Variants in ITGBL1 observed in about 807,000 individuals in gnomAD.
The protein encoded by ITGBL1 is integrin beta-like protein 1.
In ITGBL1, 51 loss-of-function variants were observed where a neutral mutation model predicts 68.5. The ratio of observed to expected loss-of-function variants is 0.74; its 90% CI spans 0.59 to 0.94. The LOEUF is 0.94. ITGBL1 is among the 40% of genes least tolerant of loss of function. The probability of loss-of-function intolerance (pLI) is 0.00; values close to 1 mark genes in which losing one functional copy is unlikely to be tolerated. For missense variants in ITGBL1, 649 were observed against 647.4 expected (o/e 1.00, Z -0.03); for synonymous variants, 209 against 227.3 (o/e 0.92, Z 0.72).
intron 7 of ITGBL1, among the ~76,000 whole-genome samples, chr13:101,656,292 T>C (rs185529410): frequency 6.6e-6 from 1 of 152,320 alleles, no homozygotes; most frequent in East Asian, 1.9e-4. Context: ...CTCTTCAGGA[T>C]TGGGAGAACC....
At chr13:101,664,956 A>G (rs1481285945) in intron 7 of ITGBL1, among the ~76,000 whole-genome samples, 1 of 151,736 alleles carries the variant, frequency 6.6e-6, no homozygotes, top group African/African-American at 2.4e-5. Context: ...CTGATTTTGA[A>G]CTCCTGACTT....
rs74122648 is a variant in ITGBL1 at position 101,705,991 on chromosome 13, C to T, written c.1133-765C>T. 6.2e-3 allele frequency among the ~76,000 whole-genome samples: 949 copies of T among 152,160 alleles called. 8 individuals carry two copies. Among genetic ancestry groups the T allele is most frequent in the African/African-American group, 0.021 (856 of 41,498 alleles). On this transcript the variant is annotated intron_variant, in intron 8 of 10. Transcript: ENST00000376180. ...CATATCAGGAAAAGGAATAAAGGGTCGAGCGGAAACTGAAATGGAAGAAAT... is the reference window on the plus strand; with the variant it reads ...CATATCAGGAAAAGGAATAAAGGGTTGAGCGGAAACTGAAATGGAAGAAAT...
intron 2 of ITGBL1, among the ~76,000 whole-genome samples, chr13:101,544,998 C>A (rs1303704860): frequency 6.6e-6 from 1 of 152,230 alleles, no homozygotes; most frequent in Non-Finnish European, 1.5e-5. Context: ...CCTTGTGCTT[C>A]CCGGGTGAGG....
chr13:101,483,748 T>A (rs1400989441), intron 2 of ITGBL1, among the ~76,000 whole-genome samples: 1 of 152,224 alleles, frequency 6.6e-6, no homozygotes, highest in Non-Finnish European at 1.5e-5. Flanking sequence ...CTTATTTTAC[T>A]ATCTTACCAC....
intron 2 of ITGBL1, 30 bp downstream of exon 2, chr13:101,454,130 G>C (rs373184719): frequency 7.5e-6 from 11 of 1,475,110 alleles, no homozygotes; most frequent in African/African-American, 7.1e-5. Flanking sequence ...TCCTCCCTCG[G>C]GAGGTCGAAA....
downstream of ITGBL1, chr13:101,719,369 CCAT>C (rs2139638325): frequency 6.6e-6 from 1 of 152,006 alleles, no homozygotes; most frequent in East Asian, 1.9e-4. Flanking sequence ...TCCTTTGGAC[CCAT>C]CGTGGATCTC....
At chr13:101,624,341 G>A (rs1046536401) in intron 7 of ITGBL1, among the ~76,000 whole-genome samples, 5 of 152,130 alleles carry the variant, frequency 3.3e-5, no homozygotes, top group Admixed American at 6.6e-5. Flanking sequence ...CTCCTCTCCA[G>A]ATAAACATTT....
intron 7 of ITGBL1, among the ~76,000 whole-genome samples, chr13:101,646,159 G>A (rs1423282810): frequency 1.3e-5 from 2 of 152,268 alleles, no homozygotes; most frequent in East Asian, 3.9e-4. Flanking sequence ...GGCGTGAACT[G>A]CAAGCACCAT....
chr13:101,536,774 C>T lies in ITGBL1; in HGVS notation c.317-30925C>T, dbSNP rs9582504. 7.2e-5 allele frequency among the ~76,000 whole-genome samples: 11 copies of T among 151,966 alleles called. No homozygotes were observed. In the South Asian group the frequency reaches 2.3e-3, roughly 32 times the overall value. Reference sequence around the variant, plus strand: ...ATGGTTGTCTCACTAGTAAATAATACCTTTCAATACAGAAGATGATTTCTG... The same window carrying T: ...ATGGTTGTCTCACTAGTAAATAATATCTTTCAATACAGAAGATGATTTCTG... On this transcript the variant is annotated intron_variant, in intron 2 of 10. Coordinates refer to ENST00000376180, the MANE Select transcript of ITGBL1 (RefSeq NM_004791.3).
chr13:101,618,760 C>G (rs9582510), intron 7 of ITGBL1, among the ~76,000 whole-genome samples: 86,602 of 152,048 alleles, frequency 0.57, 26,241 homozygotes, highest in Middle Eastern at 0.69. Flanking sequence ...TTTCTCCATA[C>G]AGGAGGAACA....
chr13:101,466,349 C>T (rs2048381883), intron 2 of ITGBL1, among the ~76,000 whole-genome samples: 1 of 152,144 alleles, frequency 6.6e-6, no homozygotes, highest in Non-Finnish European at 1.5e-5. Flanking sequence ...TTTTCAAATT[C>T]ACTTCAAAGA....
chr13:101,473,597 C>T (rs1345792017), intron 2 of ITGBL1, among the ~76,000 whole-genome samples: 4 of 152,154 alleles, frequency 2.6e-5, no homozygotes, highest in Non-Finnish European at 5.9e-5. Context: ...ACTAAGATTT[C>T]TGGGCAAGTC....
chr13:101,628,000 A>G (rs569504694), intron 7 of ITGBL1, among the ~76,000 whole-genome samples: 2 of 152,314 alleles, frequency 1.3e-5, no homozygotes, highest in African/African-American at 4.8e-5. Flanking sequence ...TAGTATGTTT[A>G]GTTCAGTAAG....
At chr13:101,710,994 G>T (rs1438279060) in intron 9 of ITGBL1, 1 of 152,202 alleles carries the variant, frequency 6.6e-6, no homozygotes, top group Admixed American at 6.5e-5. Context: ...GAAAAAGAAA[G>T]TCCAACATTA....
intron 2 of ITGBL1, among the ~76,000 whole-genome samples, chr13:101,543,262 A>G (rs1310864531): frequency 6.6e-6 from 1 of 152,158 alleles, no homozygotes; most frequent in Non-Finnish European, 1.5e-5. Context: ...GGTGGTGACA[A>G]AATCTCTCAG....
intron 2 of ITGBL1, among the ~76,000 whole-genome samples, chr13:101,503,345 G>A (rs947054881): frequency 6.6e-6 from 1 of 152,162 alleles, no homozygotes; most frequent in African/African-American, 2.4e-5. Flanking sequence ...TTCAGGAGGT[G>A]TGTACTCCAC....
intron 2 of ITGBL1, among the ~76,000 whole-genome samples, chr13:101,485,748 C>T (rs1427946259): frequency 2.0e-5 from 3 of 152,062 alleles, no homozygotes; most frequent in East Asian, 1.9e-4. Context: ...GCCAAGATCA[C>T]GCCACTGTAC....
intron 7 of ITGBL1, among the ~76,000 whole-genome samples, chr13:101,679,256 T>C (rs1242178412): frequency 6.6e-6 from 1 of 152,202 alleles, no homozygotes; most frequent in Non-Finnish European, 1.5e-5. Flanking sequence ...ACGACAACAC[T>C]TTCTTTCACT....
intron 7 of ITGBL1, among the ~76,000 whole-genome samples, chr13:101,665,062 A>T (rs2033181704): frequency 6.6e-6 from 1 of 152,184 alleles, no homozygotes. Flanking sequence ...ATAGCTTTAC[A>T]GTATGTTTTA....
Sources: allele counts gnomAD v4.1 joint callset (sites outside exome capture counted in the v4.1 genomes callset), GRCh38; gene constraint gnomAD v4.1.1; transcripts MANE v1.5; gene names NCBI Gene and HGNC (gene_info 2026-07-23, HGNC 2026-07-21).